GRIP1: variants seen among roughly 807,000 people sequenced by gnomAD.
The protein encoded by GRIP1 is glutamate receptor interacting protein 1.
In GRIP1, 45 loss-of-function variants were observed where a neutral mutation model predicts 129.9. That is an observed-to-expected ratio of 0.35 (90% CI 0.27 to 0.44). The LOEUF (loss-of-function observed/expected upper bound fraction) is 0.44. GRIP1 is among the 20% of genes least tolerant of loss of function. The probability of loss-of-function intolerance (pLI) is 1.00; values close to 1 mark genes in which losing one functional copy is unlikely to be tolerated. For synonymous variants in GRIP1, 530 were observed against 520.8 expected (o/e 1.02, Z -0.24); for missense variants, 1,196 against 1,396.8 (o/e 0.86, Z 2.29).
At chr12:66,625,383 A>G (rs1018208383) in intron 1 of GRIP1, among the ~76,000 whole-genome samples, 2 of 152,204 alleles carry the variant, frequency 1.3e-5, no homozygotes, top group Non-Finnish European at 2.9e-5. Context: ...ACTTTCCCAT[A>G]TGAATAGATG....
intron 1 of GRIP1, among the ~76,000 whole-genome samples, chr12:66,698,254 C>A (rs902478828): frequency 1.3e-5 from 2 of 152,214 alleles, no homozygotes; most frequent in African/African-American, 4.8e-5. Context: ...AAAATGTAAC[C>A]AGGAGTGAAC....
At chr12:66,572,262 C>T (rs904735135) in intron 2 of GRIP1, among the ~76,000 whole-genome samples, 1 of 152,190 alleles carries the variant, frequency 6.6e-6, no homozygotes. Flanking sequence ...TCTCCCTCTT[C>T]CAGGAGATGT....
At chr12:66,978,275 AT>A (rs984188197) in intron 1 of GRIP1, among the ~76,000 whole-genome samples, 1 of 152,046 alleles carries the variant, frequency 6.6e-6, no homozygotes, top group Non-Finnish European at 1.5e-5. Context: ...GAAGCAAGGA[AT>A]TTTTTTTATT....
chr12:66,835,508 C>T (rs2039597522), intron 1 of GRIP1, among the ~76,000 whole-genome samples: 1 of 151,994 alleles, frequency 6.6e-6, no homozygotes, highest in Admixed American at 6.5e-5. Flanking sequence ...ACCAAGATGC[C>T]CCTCAGAAGG....
chr12:66,488,805 C>G (rs752022107), intron 7 of GRIP1, among the ~76,000 whole-genome samples: 1 of 152,130 alleles, frequency 6.6e-6, no homozygotes, highest in African/African-American at 2.4e-5. Context: ...CTGACCCCCA[C>G]AGAAATACAA....
chr12:66,554,590 T>C lies in GRIP1; in HGVS notation c.137-12640A>G, dbSNP rs539021192. The stretch of plus-strand genomic sequence containing the variant: ...GGGGAGTAGAGCACGAAGTGGGCCA[T>C]TGGGGTTCCCATTCCAGGCCTTGGC... On this transcript the variant is annotated intron_variant, in intron 2 of 24. Transcript: ENST00000359742. Among the ~76,000 whole-genome samples, 34 of 152,170 alleles carry C rather than the reference T, an allele frequency of 2.2e-4. 1 individual carries two copies. In the East Asian group the frequency reaches 3.3e-3, roughly 15 times the overall value.
chr12:66,970,635 T>C (rs2042061960), intron 1 of GRIP1, among the ~76,000 whole-genome samples: 1 of 150,502 alleles, frequency 6.6e-6, no homozygotes. Flanking sequence ...ATCTTGCAGC[T>C]CTTTCAGCTG....
chr12:66,840,904 C>T (rs527673218), intron 1 of GRIP1, among the ~76,000 whole-genome samples: 9 of 152,192 alleles, frequency 5.9e-5, no homozygotes, highest in African/African-American at 2.2e-4. Context: ...TTCTAACTGG[C>T]TAACATATTT....
At chr12:66,813,225 T>G (rs1219218901) in intron 1 of GRIP1, among the ~76,000 whole-genome samples, 1 of 151,914 alleles carries the variant, frequency 6.6e-6, no homozygotes, top group Non-Finnish European at 1.5e-5. Flanking sequence ...TATCACACAG[T>G]GAGAAAGGAA....
Position 66,541,906 on chromosome 12 carries a change from C to T in GRIP1, c.181G>A (p.Gly61Ser). 1 of 1,613,922 alleles carries T rather than the reference C, an allele frequency of 6.2e-7. No individual in the cohort carries two copies. ...GATACCGTCAGACCCAGGGTAGTGC[C>T]TTCCTTCTTCATCAGCTCGACGACT... is the stretch of plus-strand genomic sequence containing the variant. ...STVVELMKKE[G>S]TTLGLTVSGG... is the part of the protein sequence containing the mutation. Residue 61 changes from glycine (G) to serine (S), a missense_variant, in exon 3 of 25, where the codon GGC becomes AGC. Coordinates refer to ENST00000359742, the MANE Select transcript of GRIP1 (RefSeq NM_001366722.1).
At chr12:66,796,916 G>A (rs1170507906) in intron 1 of GRIP1, among the ~76,000 whole-genome samples, 2 of 151,956 alleles carry the variant, frequency 1.3e-5, no homozygotes, top group Admixed American at 1.3e-4. Flanking sequence ...TAAAACAGAG[G>A]TCTTCAAAGG....
At chr12:66,871,567 C>A (rs1306675085) in intron 1 of GRIP1, among the ~76,000 whole-genome samples, 1 of 151,982 alleles carries the variant, frequency 6.6e-6, no homozygotes, top group East Asian at 1.9e-4. Context: ...TGGCATATAA[C>A]AAAAACTCAA....
intron 9 of GRIP1, among the ~76,000 whole-genome samples, chr12:66,456,937 C>T (rs550932353): frequency 7.2e-5 from 11 of 152,008 alleles, no homozygotes; most frequent in East Asian, 5.8e-4. Context: ...ATCTGTATCT[C>T]GACTAATAAG....
At chr12:66,786,986 G>A (rs1406692768) in intron 1 of GRIP1, among the ~76,000 whole-genome samples, 2 of 152,134 alleles carry the variant, frequency 1.3e-5, no homozygotes, top group Non-Finnish European at 2.9e-5. Flanking sequence ...GGGCGCTGGA[G>A]AGGAAGGAGA....
At chr12:66,711,570 TA>T (rs1251712686) in intron 1 of GRIP1, among the ~76,000 whole-genome samples, 1 of 151,844 alleles carries the variant, frequency 6.6e-6, no homozygotes, top group Non-Finnish European at 1.5e-5. Context: ...ATGACAGGTA[TA>T]ACATATATTT....
chr12:66,984,668 A>G (rs2042285610), intron 1 of GRIP1, among the ~76,000 whole-genome samples: 1 of 152,206 alleles, frequency 6.6e-6, no homozygotes, highest in East Asian at 1.9e-4. Flanking sequence ...CGACCATACT[A>G]AAAACCCAAT....
At chr12:66,723,290 TTCTTTC>T (rs1565988008) in intron 1 of GRIP1, among the ~76,000 whole-genome samples, 18 of 39,390 alleles carry the variant, frequency 4.6e-4, no homozygotes, top group South Asian at 3.3e-3. Context: ...CTTCCTTTCT[TTCTTTC>T]TTTCTTTCTT....
chr12:66,799,970 G>T (rs188009767), intron 1 of GRIP1, among the ~76,000 whole-genome samples: 1 of 152,026 alleles, frequency 6.6e-6, no homozygotes. Context: ...TTTAAAATAC[G>T]ATTTGAATAT....
At chr12:66,920,643 T>C (rs2041198370) in intron 1 of GRIP1, among the ~76,000 whole-genome samples, 1 of 152,218 alleles carries the variant, frequency 6.6e-6, no homozygotes, top group African/African-American at 2.4e-5. Context: ...TTACTCTTAA[T>C]ATTTTTATGT....
Sources: allele counts gnomAD v4.1 joint callset (sites outside exome capture counted in the v4.1 genomes callset), GRCh38; gene constraint gnomAD v4.1.1; transcripts MANE v1.5; gene names NCBI Gene and HGNC (gene_info 2026-07-23, HGNC 2026-07-21).